MAP3K21: variants seen among roughly 807,000 people sequenced by gnomAD.
The protein encoded by MAP3K21 is mitogen-activated protein kinase kinase kinase 21.
Under a neutral mutation model 86.1 loss-of-function variants are expected in MAP3K21, and 63 were observed. The ratio of observed to expected loss-of-function variants is 0.73; its 90% confidence interval spans 0.60 to 0.90. The LOEUF is 0.90. Ranked by LOEUF, MAP3K21 falls within the 40% of genes least tolerant of loss-of-function variation. The pLI, the probability that MAP3K21 is intolerant of heterozygous loss-of-function variation, is 0.00. For synonymous variants in MAP3K21, 558 were observed against 564.8 expected, an observed-to-expected ratio of 0.99 and a Z score of 0.17; for missense variants, 1,220 against 1,367.7, an observed-to-expected ratio of 0.89 and a Z score of 1.70.
chr1:233,340,571 T>G (rs1008412838), intron 1 of MAP3K21, among the ~76,000 whole-genome samples: 1 of 150,944 alleles, frequency 6.6e-6, no homozygotes, highest in Non-Finnish European at 1.5e-5. Context: ...GTGAGTGGGG[T>G]ATGTGTCCGG....
chr1:233,382,426 G>T lies in MAP3K21; in HGVS notation c.2826G>T (p.Val942=). 1 of 1,614,114 alleles carries T rather than the reference G, an allele frequency of 6.2e-7. No individual in the cohort carries two copies. Among genetic ancestry groups the T allele is most frequent in the Non-Finnish European group, 8.5e-7 (1 of 1,180,030 alleles). The change falls in exon 10 of 10, where the codon GTG becomes GTT. Residue 942 remains valine (V), a synonymous_variant. Transcript: ENST00000366624. ...SPKKHSTVHI[V]PQRRPASLRS... ...AGAAGCACAGCACTGTCCACATCGT[G>T]CCTCAGCGTCGCCCTGCCTCCCTGA...
intron 1 of MAP3K21, among the ~76,000 whole-genome samples, chr1:233,344,684 A>G (rs185862271): frequency 0.014 from 2,094 of 152,230 alleles, 52 homozygotes; most frequent in African/African-American, 0.047. Flanking sequence ...AGGACTTCAT[A>G]ACCAAAACAC....
Position 233,376,425 on chromosome 1 carries a change from T to C in MAP3K21, c.1827-5T>C, listed in dbSNP as rs200547018. On this transcript the variant is annotated splice_polypyrimidine_tract_variant and splice_region_variant and intron_variant, in intron 7 of 9. Transcript: ENST00000366624. ...CTTATGAAAAGAAACATTTTTCTCT[T>C]GTAGGATAAGACCTCTCTCCGATGG... 1 of 1,599,832 alleles carries C rather than the reference T, an allele frequency of 6.3e-7. No individual in the cohort carries two copies. The highest frequency in any genetic ancestry group is 2.2e-5 in the East Asian group (1 of 44,784).
In MAP3K21 at chr1:233,339,345, C is replaced by T. The variant is rs1185105218; in HGVS notation, c.806-7097C>T. On this transcript the variant is annotated intron_variant, in intron 1 of 9. Coordinates refer to ENST00000366624, the MANE Select transcript of MAP3K21 (RefSeq NM_032435.3). ...TCTTCTTCTTCCTCTTCTTCTCCCT[C>T]TTCTCCCTCTTCTCCTTCTCCTCCT... is the stretch of plus-strand genomic sequence containing the variant. Among the ~76,000 whole-genome samples the T allele has an allele frequency of 5.4e-5, 6 of 111,904 alleles. 1 individual carries two copies. The highest frequency in any genetic ancestry group is 1.1e-4 in the Non-Finnish European group (6 of 56,268). 73.4% of individuals were successfully genotyped at this position (111,904 alleles called of 152,430 possible). A position where few individuals can be genotyped will look rare whatever the true frequency, so the allele number is the denominator to read the frequency against.
chr1:233,372,713 T>C (rs1663708966), intron 6 of MAP3K21: 1 of 152,730 alleles, frequency 6.5e-6, no homozygotes, highest in South Asian at 2.1e-4. Flanking sequence ...ACCTTTGCAT[T>C]GTGAGAGTTT....
intron 8 of MAP3K21, among the ~76,000 whole-genome samples, chr1:233,378,224 G>T (rs186728851): frequency 1.3e-5 from 2 of 152,200 alleles, no homozygotes; most frequent in African/African-American, 4.8e-5. Flanking sequence ...TTAATTATGC[G>T]CTGTCACTTT....
Position 233,328,276 on chromosome 1 carries a change from G to A in MAP3K21, c.248G>A (p.Gly83Asp). Residue 83 changes from glycine (G) to aspartate (D), a missense_variant, in exon 1 of 10, where the codon GGC becomes GAC. Gly to Asp is a moderately conservative substitution (Grantham distance 94). Transcript: ENST00000366624. This position sits in a 1 kb window ranked among gnomAD's most constrained non-coding sequence, Gnocchi z 8.7. Reference protein sequence around the residue: ...AVSGDEGWWAGQVQRRLGIFP... With the variant: ...AVSGDEGWWADQVQRRLGIFP... ...TCGGGCGACGAGGGCTGGTGGGCAGGCCAGGTGCAGCGGCGCCTCGGCATC... is the reference window on the plus strand; with the variant it reads ...TCGGGCGACGAGGGCTGGTGGGCAGACCAGGTGCAGCGGCGCCTCGGCATC... 1 of 1,489,628 alleles carries A rather than the reference G, an allele frequency of 6.7e-7. No homozygotes were observed. Among genetic ancestry groups the A allele is most frequent in the Admixed American group, 2.2e-5 (1 of 44,896 alleles). The allele number at this position is 1,489,628 out of a possible 1,614,324, so 92.3% of individuals were successfully genotyped here.
Position 233,328,019 on chromosome 1 carries a change from A to G in MAP3K21, c.-10A>G. 7.9e-7 allele frequency: 1 copy of G among 1,267,826 alleles called. No individual in the cohort carries two copies. The highest frequency in any genetic ancestry group is 2.7e-5 in the South Asian group (1 of 36,580). The allele number at this position is 1,267,826 out of a possible 1,614,324, so 78.5% of individuals were successfully genotyped here. A position where few individuals can be genotyped will look rare whatever the true frequency, so the allele number is the denominator to read the frequency against. On this transcript the variant is annotated 5_prime_UTR_variant, in exon 1 of 10. Coordinates refer to ENST00000366624, the MANE Select transcript of MAP3K21 (RefSeq NM_032435.3). This position sits in a 1 kb window ranked among gnomAD's most constrained non-coding sequence, Gnocchi z 8.7. Reference sequence around the variant, plus strand: ...GCTTCCCGCTCCGCCTTCCCCGCGCAGCTGCCCCCATGGCTTTGCGGGGCG... The same window carrying G: ...GCTTCCCGCTCCGCCTTCCCCGCGCGGCTGCCCCCATGGCTTTGCGGGGCG...
At position 233,328,166 on chromosome 1, in the gene MAP3K21, CTA is replaced by C. The variant is rs1328998356; in HGVS notation, c.140_141del (p.Tyr47Ter). 2 of 1,468,968 alleles carry C rather than the reference CTA, an allele frequency of 1.4e-6. No individual in the cohort carries two copies. Among genetic ancestry groups the C allele is most frequent in the East Asian group, 6.0e-5 (2 of 33,418 alleles). 91.0% of individuals were successfully genotyped at this position (1,468,968 alleles called of 1,614,324 possible). A position where few individuals can be genotyped will look rare whatever the true frequency, so the allele number is the denominator to read the frequency against. On this transcript the variant is annotated frameshift_variant, in exon 1 of 10. Coordinates refer to ENST00000366624, the MANE Select transcript of MAP3K21 (RefSeq NM_032435.3). LOFTEE classifies it high-confidence loss of function. This position sits in a 1 kb window ranked among gnomAD's most constrained non-coding sequence, Gnocchi z 8.7. ...CGGGCGCGGGGCTGTGGGCCGCGCT[CTA>C]TGACTACGAGGCTCGCGGCGAGGAC... is the stretch of plus-strand genomic sequence containing the variant. ...SAGAGLWAAL[Y>X]DYEARGEDEL... is the part of the protein sequence containing the mutation.
rs1414903329 is a variant in MAP3K21 at position 233,379,176 on chromosome 1, T to C, written c.2170T>C (p.Tyr724His). The C allele has an allele frequency of 3.7e-6, 6 of 1,614,208 alleles. No individual in the cohort carries two copies. Among genetic ancestry groups the C allele is most frequent in the Non-Finnish European group, 5.1e-6 (6 of 1,180,030 alleles). Residue 724 changes from tyrosine to histidine, a missense_variant, in exon 9 of 10, where the codon TAT becomes CAT. Physicochemically the swap from Tyr to His is moderately conservative, Grantham distance 83 (BLOSUM62 2). This residue lies in a region of MAP3K21 where 632 missense variants were observed against 691.3 expected (regional missense o/e 0.91). Transcript: ENST00000366624. ...PQRKKTESAL[Y>H]GCTVLLASVA... ...GAGAAAGAAAACGGAGTCAGCTCTGTATGGGTGCACCGTCCTTCTGGCATC... is the reference window on the plus strand; with the variant it reads ...GAGAAAGAAAACGGAGTCAGCTCTGCATGGGTGCACCGTCCTTCTGGCATC...
intron 5 of MAP3K21, among the ~76,000 whole-genome samples, chr1:233,371,212 G>A (rs7527257): frequency 0.24 from 35,729 of 152,008 alleles, 4,508 homozygotes; most frequent in African/African-American, 0.31. Context: ...TCAACACCAC[G>A]ACCACCATGT....
At chr1:233,351,576 A>C (rs1663253503) in intron 2 of MAP3K21, among the ~76,000 whole-genome samples, 1 of 152,074 alleles carries the variant, frequency 6.6e-6, no homozygotes, top group Non-Finnish European at 1.5e-5. Context: ...CTGTAGTCCC[A>C]GCTACTACTC....
intron 6 of MAP3K21, chr1:233,373,223 C>A (rs986345610): frequency 6.6e-6 from 1 of 152,142 alleles, no homozygotes; most frequent in Non-Finnish European, 1.5e-5. Flanking sequence ...TAGGCAAAGG[C>A]CTAATTAACG....
In MAP3K21 at chr1:233,334,604, G is replaced by T. The variant is rs59242019; in HGVS notation, c.805+5771G>T. Among the ~76,000 whole-genome samples the T allele has an allele frequency of 3.3e-5, 5 of 151,804 alleles. No homozygotes were observed. In the East Asian group the frequency reaches 7.7e-4, roughly 23 times the overall value. On this transcript the variant is annotated intron_variant, in intron 1 of 9. Transcript: ENST00000366624. ...GAAAAGTGGAGAAAGGGTTTTTTTG[G>T]GGGGGAAGGAAACAGGCATTTCGCA...
chr1:233,353,999 C>G (rs1349873232), intron 3 of MAP3K21, 44 bp downstream of exon 3: 1 of 1,398,072 alleles, frequency 7.2e-7, no homozygotes. Flanking sequence ...GCAAGAATTT[C>G]TCATTAGAAT....
intron 6 of MAP3K21, chr1:233,375,681 C>T (rs1272693169): frequency 2.0e-6 from 1 of 500,102 alleles, no homozygotes; most frequent in Non-Finnish European, 3.5e-6. Context: ...ATCTTTGCTG[C>T]TAATTTACCT....
chr1:233,328,623 G>A lies in MAP3K21; in HGVS notation c.595G>A (p.Val199Met). The A allele has an allele frequency of 6.8e-7, 1 of 1,469,970 alleles. No individual in the cohort carries two copies. The highest frequency in any genetic ancestry group is 1.3e-5 in the South Asian group (1 of 75,522). 91.1% of individuals were successfully genotyped at this position (1,469,970 alleles called of 1,614,324 possible). A position where few individuals can be genotyped will look rare whatever the true frequency, so the allele number is the denominator to read the frequency against. The change falls in exon 1 of 10, where the codon GTG becomes ATG. Residue 199 changes from valine to methionine, a missense_variant. Physicochemically the swap from Val to Met is conservative, Grantham distance 21. Coordinates refer to ENST00000366624, the MANE Select transcript of MAP3K21 (RefSeq NM_032435.3). The surrounding 1 kb of genome is among the most constrained non-coding windows in gnomAD (Gnocchi z 8.7). ...CCTGCAGCAGCCGCACCTCTGCCTG[G>A]TGCTGGAGTTCGCCCGCGGCGGAGC... ...VCLQQPHLCL[V>M]LEFARGGALN...
At chr1:233,372,004 T>C (rs1240724163) in intron 5 of MAP3K21, 34 bp from the exon 6 acceptor site, 7 of 1,599,004 alleles carry the variant, frequency 4.4e-6, no homozygotes, top group Non-Finnish European at 6.0e-6. Context: ...AGGAAAACCA[T>C]GAAATACCAG....
intron 5 of MAP3K21, among the ~76,000 whole-genome samples, chr1:233,369,639 A>G (rs1663646750): frequency 6.6e-6 from 1 of 152,202 alleles, no homozygotes; most frequent in Non-Finnish European, 1.5e-5. Context: ...AAAAAATCAA[A>G]GAGGAAGAAG....
Sources: allele counts gnomAD v4.1 joint callset (sites outside exome capture counted in the v4.1 genomes callset), GRCh38; gene constraint gnomAD v4.1.1; regional missense constraint gnomAD v4.1.1; non-coding constraint Gnocchi (gnomAD v3.1); transcripts MANE v1.5; gene names NCBI Gene and HGNC (gene_info 2026-07-23, HGNC 2026-07-21).